The following USH2A variants were observed in gnomAD, a reference collection of about 807,000 sequenced individuals.
USH2A encodes the protein Usher syndrome 2A (autosomal recessive, mild).
Under a neutral mutation model 538.9 loss-of-function variants are expected in USH2A, and 443 were observed. The ratio of observed to expected loss-of-function variants is 0.82; its 90% CI spans 0.76 to 0.89. USH2A has a LOEUF of 0.89. Among genes scored for constraint, USH2A ranks in the 40% least tolerant of loss-of-function variants. The pLI is 0.00. For missense variants in USH2A, 6,633 were observed against 6,324.8 expected (o/e 1.05, Z -1.65); for synonymous variants, 2,413 against 2,273.5 (o/e 1.06, Z -1.75).
intron 9 of USH2A, among the ~76,000 whole-genome samples, chr1:216,314,252 T>G (rs1327570781): frequency 6.6e-6 from 1 of 152,108 alleles, no homozygotes. Flanking sequence ...TTAAAAGCAT[T>G]TATGCACATA....
At chr1:215,808,443 T>C (rs1478795413) in intron 49 of USH2A, among the ~76,000 whole-genome samples, 1 of 152,104 alleles carries the variant, frequency 6.6e-6, no homozygotes, top group Non-Finnish European at 1.5e-5. Flanking sequence ...TTTAAAAATA[T>C]TTCATTTAAA....
intron 46 of USH2A, among the ~76,000 whole-genome samples, chr1:215,839,393 A>T (rs1400796402): frequency 6.6e-6 from 1 of 152,216 alleles, no homozygotes; most frequent in Non-Finnish European, 1.5e-5. Context: ...TTGATTCCTC[A>T]TAACTCCATT....
At chr1:216,146,592 C>T (rs1438803263) in intron 21 of USH2A, among the ~76,000 whole-genome samples, 1 of 152,134 alleles carries the variant, frequency 6.6e-6, no homozygotes, top group African/African-American at 2.4e-5. Context: ...TCCTAGGGGG[C>T]AAGAAACCCC....
chr1:215,798,671 G>C (rs1376943188), intron 50 of USH2A, among the ~76,000 whole-genome samples: 3 of 151,798 alleles, frequency 2.0e-5, no homozygotes, highest in Non-Finnish European at 4.4e-5. Context: ...TTTTTTTGGA[G>C]GACATGACCT....
intron 13 of USH2A, among the ~76,000 whole-genome samples, chr1:216,234,199 T>C (rs2035760619): frequency 6.6e-6 from 1 of 152,190 alleles, no homozygotes; most frequent in African/African-American, 2.4e-5. Flanking sequence ...GCCATTTTCT[T>C]ATAGTTACCA....
chr1:216,352,625 AG>A, intron 4 of USH2A, among the ~76,000 whole-genome samples: 1 of 152,190 alleles, frequency 6.6e-6, no homozygotes, highest in East Asian at 1.9e-4. Context: ...GAAATGGGGG[AG>A]GGTCAAGAAT....
At chr1:215,801,355 C>T (rs1571699877) in intron 49 of USH2A, among the ~76,000 whole-genome samples, 1 of 148,950 alleles carries the variant, frequency 6.7e-6, no homozygotes, top group East Asian at 2.0e-4. Context: ...TATGTGTTCT[C>T]AGACAACATG....
At chr1:216,337,114 T>C (rs1241369587) in intron 4 of USH2A, among the ~76,000 whole-genome samples, 1 of 151,470 alleles carries the variant, frequency 6.6e-6, no homozygotes, top group Non-Finnish European at 1.5e-5. Flanking sequence ...GATCTTAGGA[T>C]ATGCATCAAA....
At chr1:216,156,174 C>A (rs1386118614) in intron 21 of USH2A, among the ~76,000 whole-genome samples, 1 of 151,860 alleles carries the variant, frequency 6.6e-6, no homozygotes, top group Non-Finnish European at 1.5e-5. Context: ...TTCTTGCTTA[C>A]TAATTTGTTT....
At chr1:216,063,953 T>A (rs1446476365) in intron 30 of USH2A, among the ~76,000 whole-genome samples, 1 of 152,168 alleles carries the variant, frequency 6.6e-6, no homozygotes, top group Non-Finnish European at 1.5e-5. Context: ...AAAAGATTAA[T>A]CAAAACGAAA....
At chr1:216,366,724 C>T (rs542876179) in intron 3 of USH2A, among the ~76,000 whole-genome samples, 130 of 152,150 alleles carry the variant, frequency 8.5e-4, no homozygotes, top group Middle Eastern at 3.4e-3. Flanking sequence ...TTCATTTAAA[C>T]TATGTTCTTT....
intron 50 of USH2A, among the ~76,000 whole-genome samples, chr1:215,794,116 C>T (rs987435202): frequency 6.6e-6 from 1 of 152,190 alleles, no homozygotes; most frequent in African/African-American, 2.4e-5. Flanking sequence ...AACACTTCTA[C>T]ACAACGCATC....
intron 35 of USH2A, among the ~76,000 whole-genome samples, chr1:215,986,209 T>C (rs927765350): frequency 6.6e-6 from 1 of 151,744 alleles, no homozygotes; most frequent in African/African-American, 2.4e-5. Context: ...AAACCCTGCC[T>C]CCCACGTTCA....
At chr1:216,337,908 C>T (rs2038003480) in intron 4 of USH2A, among the ~76,000 whole-genome samples, 1 of 150,950 alleles carries the variant, frequency 6.6e-6, no homozygotes, top group Non-Finnish European at 1.5e-5. Flanking sequence ...ATACTATTTA[C>T]AATAGCACCA....
chr1:216,014,210 G>C (rs888136479), intron 32 of USH2A, among the ~76,000 whole-genome samples: 1 of 152,134 alleles, frequency 6.6e-6, no homozygotes. Flanking sequence ...AAATGGAGAA[G>C]AGGAGGAGGC....
At chr1:215,708,563 G>A (rs1029230012) in intron 61 of USH2A, among the ~76,000 whole-genome samples, 5 of 152,150 alleles carry the variant, frequency 3.3e-5, no homozygotes, top group African/African-American at 4.8e-5. Flanking sequence ...ATGGTTTTAG[G>A]ATGAAACTGT....
Position 216,088,996 on chromosome 1 carries a change from T to C in USH2A, c.4885+17A>G. Reference sequence around the variant, plus strand: ...ACATATCAACAGGGCTATTTATACATATCAAAAAGTACTTACCTGTATATA... The same window carrying C: ...ACATATCAACAGGGCTATTTATACACATCAAAAAGTACTTACCTGTATATA... On this transcript the variant is annotated intron_variant, in intron 23 of 71. Transcript: ENST00000307340. 1 of 1,612,980 alleles carries C rather than the reference T, an allele frequency of 6.2e-7. No individual in the cohort carries two copies. Among genetic ancestry groups the C allele is most frequent in the Non-Finnish European group, 8.5e-7 (1 of 1,179,282 alleles).
intron 61 of USH2A, among the ~76,000 whole-genome samples, chr1:215,722,879 C>T (rs1192797341): frequency 6.6e-6 from 1 of 152,104 alleles, no homozygotes; most frequent in Non-Finnish European, 1.5e-5. Flanking sequence ...TCTTTAAAAT[C>T]CCAAATTATC....
chr1:216,380,678 C>T (rs754697619), intron 3 of USH2A, among the ~76,000 whole-genome samples: 2 of 152,036 alleles, frequency 1.3e-5, no homozygotes, highest in Non-Finnish European at 2.9e-5. Context: ...AATTAGAGTA[C>T]TGAGCTTTAT....
Sources: allele counts gnomAD v4.1 joint callset (sites outside exome capture counted in the v4.1 genomes callset), GRCh38; gene constraint gnomAD v4.1.1; transcripts MANE v1.5; gene names NCBI Gene and HGNC (gene_info 2026-07-23, HGNC 2026-07-21).